RP1: variants seen among roughly 807,000 people sequenced by gnomAD.
RP1 encodes RP1 axonemal microtubule associated, also known as oxygen-regulated protein 1.
RP1 carries 16 observed loss-of-function variants against 14.8 expected under a neutral mutation model. The observed-to-expected ratio is 1.08, with a 90% confidence interval of 0.73 to 1.65. The LOEUF (loss-of-function observed/expected upper bound fraction) is 1.65. RP1 is among the 40% of genes most tolerant of loss of function. RP1 has a pLI of 0.00. For missense variants in RP1, 2,631 were observed against 2,535.0 expected, an observed-to-expected ratio of 1.04 and a Z score of -0.81; for synonymous variants, 876 against 883.6, an observed-to-expected ratio of 0.99 and a Z score of 0.15.
chr8:54,624,677 A>G lies in RP1; in HGVS notation c.795A>G (p.Thr265=), dbSNP rs771635634. 8.7e-6 allele frequency: 14 copies of G among 1,613,724 alleles called. No individual in the cohort carries two copies. Among genetic ancestry groups the G allele is most frequent in the South Asian group, 3.3e-5 (3 of 91,068 alleles). The change falls in exon 4 of 4, where the codon ACA becomes ACG. Residue 265 remains threonine, a synonymous_variant. Coordinates refer to ENST00000220676, the MANE Select transcript of RP1 (RefSeq NM_006269.2). ...NAKSESRKIS[T]HMSSSSRSQI... is the part of the protein sequence containing the mutation. ...CTCTTAAAATCTTTAAAGTAAGCAC[A>G]CATATGTCTTCAAGCTCAAGGTCCC... is the stretch of plus-strand genomic sequence containing the variant.
rs945918258 is a variant in RP1 at position 54,829,382 on chromosome 8, G to A, written c.3616-8068G>A. 1.6e-4 allele frequency among the ~76,000 whole-genome samples: 24 copies of A among 152,030 alleles called. No individual in the cohort carries two copies. In the East Asian group the frequency reaches 1.7e-3, roughly 11 times the overall value. Reference sequence around the variant, plus strand: ...ATAGAGCATATATTTTTAAAAATACGGTTTGTTGAGAAATTAAAGAATTAG... The same window carrying A: ...ATAGAGCATATATTTTTAAAAATACAGTTTGTTGAGAAATTAAAGAATTAG... On this transcript the variant is annotated intron_variant, in intron 24 of 28. Transcript: ENST00000637698.
intron 23 of RP1, among the ~76,000 whole-genome samples, chr8:54,781,974 T>TC (rs908095515): frequency 1.3e-5 from 2 of 151,674 alleles, no homozygotes; most frequent in African/African-American, 4.8e-5. Context: ...TTCCCGTCCC[T>TC]CCCCCCATGA....
At chr8:54,702,528 C>T (rs1055231660) in intron 14 of RP1, among the ~76,000 whole-genome samples, 7 of 152,154 alleles carry the variant, frequency 4.6e-5, no homozygotes, top group Non-Finnish European at 8.8e-5. Context: ...TCTGAGCCTT[C>T]AGCAAGTTGT....
chr8:54,607,722 C>G (rs186516648), intron 1 of RP1, among the ~76,000 whole-genome samples: 4 of 152,174 alleles, frequency 2.6e-5, no homozygotes, highest in African/African-American at 9.7e-5. Context: ...ACTTTGTTTA[C>G]CTACTCAAGC....
At chr8:54,623,451 A>G (rs1293807666) in intron 3 of RP1, among the ~76,000 whole-genome samples, 1 of 152,078 alleles carries the variant, frequency 6.6e-6, no homozygotes, top group Non-Finnish European at 1.5e-5. Flanking sequence ...GTGCAAATCT[A>G]TATAGATTTG....
chr8:54,683,568 G>C (rs546506819), intron 12 of RP1, among the ~76,000 whole-genome samples: 1 of 152,204 alleles, frequency 6.6e-6, no homozygotes, highest in Non-Finnish European at 1.5e-5. Context: ...TGTAGCAATC[G>C]TGAATGGGAG....
chr8:54,675,607 C>T (rs1807279481), intron 8 of RP1, among the ~76,000 whole-genome samples: 1 of 152,074 alleles, frequency 6.6e-6, no homozygotes, highest in African/African-American at 2.4e-5. Context: ...GCCACATTCT[C>T]TGACTACAAT....
At chr8:54,610,850 T>G (rs2129309797) in intron 1 of RP1, among the ~76,000 whole-genome samples, 1 of 152,340 alleles carries the variant, frequency 6.6e-6, no homozygotes, top group Non-Finnish European at 1.5e-5. Flanking sequence ...GAATTTCTTT[T>G]TTTACAATCT....
At position 54,627,562 on chromosome 8, in the gene RP1, AAAGAACAC is replaced by A; in HGVS notation, c.3684_3691del (p.Thr1229AsnfsTer12). 6.2e-7 allele frequency: 1 copy of A among 1,614,200 alleles called. No homozygotes were observed. Among genetic ancestry groups the A allele is most frequent in the Non-Finnish European group, 8.5e-7 (1 of 1,179,994 alleles). On this transcript the variant is annotated frameshift_variant, in exon 4 of 4. Transcript: ENST00000220676. LOFTEE classifies it low-confidence loss of function (END_TRUNC). ...AGTGTTCCTAAGTGCAGTGAAAATG[AAAGAACAC>A]AAGGAATCTCCTCTTTGGATGGAGG...
intron 1 of RP1, among the ~76,000 whole-genome samples, chr8:54,580,584 C>T (rs1021239026): frequency 3.3e-5 from 5 of 151,844 alleles, no homozygotes; most frequent in Admixed American, 2.6e-4. Context: ...GGATTACAGG[C>T]GTGAGCCACT....
intron 21 of RP1, among the ~76,000 whole-genome samples, chr8:54,757,372 A>G (rs1809535528): frequency 6.6e-6 from 1 of 152,268 alleles, no homozygotes; most frequent in South Asian, 2.1e-4. Flanking sequence ...GACTCAGCCT[A>G]TCTTTCCAGA....
At chr8:54,835,710 G>T (rs1811640617) in intron 24 of RP1, among the ~76,000 whole-genome samples, 1 of 152,126 alleles carries the variant, frequency 6.6e-6, no homozygotes, top group African/African-American at 2.4e-5. Context: ...AAAACTTGCT[G>T]CAGTTCACAC....
chr8:54,753,579 G>A (rs749866866), intron 19 of RP1, among the ~76,000 whole-genome samples: 1 of 152,190 alleles, frequency 6.6e-6, no homozygotes, highest in Non-Finnish European at 1.5e-5. Flanking sequence ...GTGAAAACTG[G>A]TATGAGAGGG....
At chr8:54,774,619 A>G (rs1057056328), downstream of RP1, among the ~76,000 whole-genome samples, 2 of 152,150 alleles carry the variant, frequency 1.3e-5, no homozygotes, top group Non-Finnish European at 2.9e-5. Context: ...GTTTAGCTTC[A>G]TTTGCTCCCA....
rs577370306 is a variant in RP1, at chr8:54,759,598, A to G, written c.3248+522A>G. Among the ~76,000 whole-genome samples the G allele has an allele frequency of 9.8e-5, 15 of 152,308 alleles. No individual in the cohort carries two copies. The South Asian group carries it at 3.1e-3, about 32-fold the overall frequency. On this transcript the variant is annotated intron_variant, in intron 22 of 22. Coordinates refer to the RP1 transcript ENST00000636932. ...GCCCTGTACTGCCTCGGCTTGAGAC[A>G]CAGGTCCCACATATACTTCCTTCTT...
chr8:54,829,647 G>A lies in RP1; in HGVS notation c.3616-7803G>A. Reference sequence around the variant, plus strand: ...GGTATTTGACACCATTTTACCTCTGGTATATCTATGATCATTCCAAAAAAA... The same window carrying A: ...GGTATTTGACACCATTTTACCTCTGATATATCTATGATCATTCCAAAAAAA... On this transcript the variant is annotated intron_variant, in intron 24 of 28. Coordinates refer to the RP1 transcript ENST00000637698. Among the ~76,000 whole-genome samples the A allele has an allele frequency of 1.4e-5, 2 of 146,344 alleles. 1 individual carries two copies. The highest frequency in any genetic ancestry group is 3.0e-5 in the Non-Finnish European group (2 of 65,648).
chr8:54,839,725 A>G (rs1209589376), intron 25 of RP1, among the ~76,000 whole-genome samples: 1 of 151,792 alleles, frequency 6.6e-6, no homozygotes, highest in African/African-American at 2.4e-5. Flanking sequence ...CATCCCACAT[A>G]CTCTCAATCT....
chr8:54,735,953 A>G (rs1277049143), intron 18 of RP1, among the ~76,000 whole-genome samples: 1 of 152,168 alleles, frequency 6.6e-6, no homozygotes, highest in Non-Finnish European at 1.5e-5. Flanking sequence ...TTGATTGCAC[A>G]TTGGAATTAC....
Position 54,621,234 on chromosome 8 carries a change from C to A in RP1, c.268C>A (p.His90Asn). Reference protein sequence around the residue: ...VRNISTPRGRHSITRLEELED... With the variant: ...VRNISTPRGRNSITRLEELED... ...GAACATCAGCACCCCTCGGGGCAGG[C>A]ACAGCATCACGCGCCTGGAGGAGCT... Residue 90 changes from histidine (H) to asparagine (N), a missense_variant, in exon 2 of 4, where the codon CAC becomes AAC. Coordinates refer to ENST00000220676, the MANE Select transcript of RP1 (RefSeq NM_006269.2). 1.2e-6 allele frequency: 2 copies of A among 1,614,164 alleles called. No individual in the cohort carries two copies. Among genetic ancestry groups the A allele is most frequent in the South Asian group, 2.2e-5 (2 of 91,084 alleles).
Sources: gnomAD v4.1 joint callset for allele counts (sites outside exome capture counted in the v4.1 genomes callset) on GRCh38, gnomAD v4.1.1 for gene constraint, MANE v1.5 for transcripts, NCBI Gene and HGNC (gene_info 2026-07-23, HGNC 2026-07-21) for gene names.